Variants in FRAS1 observed in about 807,000 individuals in gnomAD.
The protein encoded by FRAS1 is extracellular matrix organizing protein FRAS1.
In FRAS1, 290 loss-of-function variants were observed where a neutral mutation model predicts 435.2. The ratio of observed to expected loss-of-function variants is 0.67; its 90% CI spans 0.61 to 0.73. FRAS1 has a LOEUF of 0.73. FRAS1 is among the 30% of genes least tolerant of loss of function. The pLI, the probability that FRAS1 is intolerant of heterozygous loss-of-function variation, is 0.00. For missense variants in FRAS1, 4,860 were observed against 5,001.5 expected (o/e 0.97, Z 0.85); for synonymous variants, 1,800 against 1,851.0 (o/e 0.97, Z 0.71).
intron 14 of FRAS1, among the ~76,000 whole-genome samples, chr4:78,303,640 T>G (rs916726902): frequency 3.0e-4 from 45 of 152,210 alleles, no homozygotes; most frequent in South Asian, 4.2e-4. Context: ...GTTCACCCAT[T>G]ATTTGGCTCT....
Position 78,432,373 on chromosome 4 carries a change from T to A in FRAS1, c.4986T>A (p.Tyr1662Ter). Residue 1662 changes from tyrosine to a stop codon, truncating the protein, a stop_gained, in exon 38 of 74, where the codon TAT becomes TAA. Coordinates refer to ENST00000512123, the MANE Select transcript of FRAS1 (RefSeq NM_025074.7). LOFTEE classifies it high-confidence loss of function. The part of the protein sequence containing the change: ...RPMATGDTFT[Y>*]EDVEKNALQY... ...TCTTGGAAGGTGACACTTTCACCTA[T>A]GAGGATGTTGAGAAAAATGCTCTAC... 6.2e-7 allele frequency: 1 copy of A among 1,601,242 alleles called. No individual in the cohort carries two copies. Among genetic ancestry groups the A allele is most frequent in the Non-Finnish European group, 8.5e-7 (1 of 1,173,038 alleles).
chr4:78,384,596 G>C (rs1025799543), intron 28 of FRAS1, among the ~76,000 whole-genome samples: 17 of 152,020 alleles, frequency 1.1e-4, no homozygotes, highest in African/African-American at 4.1e-4. Context: ...TCTGCTACCA[G>C]CCCTTCCAAA....
intron 8 of FRAS1, 122 bp from the exon 9 acceptor site, chr4:78,267,119 G>A (rs562768810): frequency 2.3e-5 from 24 of 1,029,936 alleles, no homozygotes; most frequent in African/African-American, 1.1e-4. Context: ...CCTGCCCATC[G>A]TGGGTCGGGC....
At chr4:78,436,645 G>A (rs1262830726) in intron 38 of FRAS1, among the ~76,000 whole-genome samples, 2 of 151,858 alleles carry the variant, frequency 1.3e-5, no homozygotes, top group African/African-American at 4.8e-5. Flanking sequence ...GAATTATAGC[G>A]ACGTCCAACA....
chr4:78,446,505 CT>C, intron 42 of FRAS1: 1 of 1,330,500 alleles, frequency 7.5e-7, no homozygotes, highest in Non-Finnish European at 9.5e-7. Flanking sequence ...TCTGAGAAAA[CT>C]TTTATGAAAT....
chr4:78,265,003 T>A, intron 6 of FRAS1, 22 bp from the exon 7 acceptor site: 1 of 1,446,654 alleles, frequency 6.9e-7, no homozygotes, highest in Non-Finnish European at 9.7e-7. Context: ...TGTGATGGAT[T>A]GTTCCTGTTC....
At chr4:78,471,757 C>G (rs1719716358) in intron 51 of FRAS1, among the ~76,000 whole-genome samples, 1 of 152,188 alleles carries the variant, frequency 6.6e-6, no homozygotes, top group Non-Finnish European at 1.5e-5. Context: ...TCATAATTGA[C>G]TCCTAGAAAG....
At chr4:78,404,407 CAAAA>C (rs769957965) in intron 30 of FRAS1, among the ~76,000 whole-genome samples, 1 of 115,944 alleles carries the variant, frequency 8.6e-6, no homozygotes, top group Admixed American at 9.0e-5. Flanking sequence ...TGAGGTACTA[CAAAA>C]AAAAAAAAAA....
chr4:78,228,919 G>A (rs892522659), intron 2 of FRAS1, among the ~76,000 whole-genome samples: 1 of 152,194 alleles, frequency 6.6e-6, no homozygotes, highest in African/African-American at 2.4e-5. Flanking sequence ...AGGAAACAGA[G>A]ACTCAGAAAA....
At chr4:78,526,455 T>C in intron 69 of FRAS1, 86 bp from the exon 70 acceptor site, 1 of 795,942 alleles carries the variant, frequency 1.3e-6, no homozygotes, top group South Asian at 1.7e-5. Context: ...ACCTGAAAAC[T>C]GTTTAGTGAA....
chr4:78,190,458 T>A (rs1270548362), intron 2 of FRAS1, among the ~76,000 whole-genome samples: 2 of 152,120 alleles, frequency 1.3e-5, no homozygotes, highest in Non-Finnish European at 2.9e-5. Flanking sequence ...CTTTTTTTTT[T>A]CTTCCCATTG....
intron 14 of FRAS1, among the ~76,000 whole-genome samples, chr4:78,303,351 G>A (rs1399414382): frequency 6.6e-6 from 1 of 152,060 alleles, no homozygotes; most frequent in Non-Finnish European, 1.5e-5. Context: ...GCTCTTTTTT[G>A]GTTCCATATG....
intron 2 of FRAS1, among the ~76,000 whole-genome samples, chr4:78,080,563 T>C (rs552939885): frequency 3.9e-5 from 6 of 152,296 alleles, no homozygotes; most frequent in East Asian, 3.9e-4. Flanking sequence ...ATGTGAACAG[T>C]TGGTATGTAT....
At chr4:78,399,078 GT>G (rs1272039784) in intron 29 of FRAS1, among the ~76,000 whole-genome samples, 6 of 151,932 alleles carry the variant, frequency 3.9e-5, no homozygotes, top group African/African-American at 1.5e-4. Context: ...TATATATAAA[GT>G]TTTTTTTACA....
chr4:78,180,743 G>A, intron 2 of FRAS1: 1 of 786,334 alleles, frequency 1.3e-6, no homozygotes, highest in Non-Finnish European at 2.1e-6. Flanking sequence ...TCAGTCTTTA[G>A]GTGTGAATGG....
At chr4:78,427,260 C>A (rs1457304635) in intron 35 of FRAS1, among the ~76,000 whole-genome samples, 1 of 152,164 alleles carries the variant, frequency 6.6e-6, no homozygotes, top group African/African-American at 2.4e-5. Flanking sequence ...CACGTGACTG[C>A]CTACACTGCC....
At chr4:78,288,052 A>G (rs1327906080) in intron 14 of FRAS1, among the ~76,000 whole-genome samples, 4 of 152,184 alleles carry the variant, frequency 2.6e-5, no homozygotes, top group African/African-American at 9.7e-5. Context: ...TGAGAATACT[A>G]CCAGTTGGTG....
intron 27 of FRAS1, among the ~76,000 whole-genome samples, chr4:78,383,748 T>G (rs960665806): frequency 2.0e-5 from 3 of 152,184 alleles, no homozygotes; most frequent in Non-Finnish European, 4.4e-5. Context: ...TACAATATAT[T>G]ACTAATCTGC....
intron 18 of FRAS1, among the ~76,000 whole-genome samples, chr4:78,320,277 T>C (rs971097759): frequency 6.6e-6 from 1 of 152,206 alleles, no homozygotes; most frequent in African/African-American, 2.4e-5. Flanking sequence ...TTGTGGAATA[T>C]GGGCATCATT....
Sources: allele counts gnomAD v4.1 joint callset (sites outside exome capture counted in the v4.1 genomes callset), GRCh38; gene constraint gnomAD v4.1.1; transcripts MANE v1.5; gene names NCBI Gene and HGNC (gene_info 2026-07-23, HGNC 2026-07-21).